The following COL6A2 variants were observed in gnomAD, a reference collection of about 807,000 sequenced individuals.
The protein encoded by COL6A2 is collagen alpha-2(VI) chain.
A neutral mutation model predicts 124.9 loss-of-function variants in COL6A2; 90 were observed. That is an observed-to-expected ratio of 0.72 (90% CI 0.61 to 0.86). The LOEUF is 0.86. COL6A2 is among the 40% of genes least tolerant of loss of function. The probability of loss-of-function intolerance (pLI) is 0.00; values close to 1 mark genes in which losing one functional copy is unlikely to be tolerated. For synonymous variants in COL6A2, 793 were observed against 618.2 expected (o/e 1.28, Z -4.19); for missense variants, 1,607 against 1,502.5 (o/e 1.07, Z -1.15).
In COL6A2 at chr21:46,122,939, T is replaced by C. The variant is rs113676748; in HGVS notation, c.1671+2T>C. The C allele has an allele frequency of 6.2e-7, 1 of 1,613,066 alleles. No individual in the cohort carries two copies. The highest frequency in any genetic ancestry group is 8.5e-7 in the Non-Finnish European group (1 of 1,179,868). ...AGGAAAGGAGAGAAAGGAGAGCCTG[T>C]GAGTGTCACCGTCCCGAAGCCCACA... On this transcript the variant is annotated splice_donor_variant, in intron 21 of 27. Transcript: ENST00000300527. LOFTEE classifies it high-confidence loss of function.
At chr21:46,126,633 G>T in intron 27 of COL6A2, 92 bp downstream of exon 27, 5 of 1,517,302 alleles carry the variant, frequency 3.3e-6, no homozygotes, top group Non-Finnish European at 4.5e-6. Context: ...GAGGGGCCGT[G>T]CAGGGACCCG....
At chr21:46,123,301 T>C in intron 21 of COL6A2, among the ~76,000 whole-genome samples, 1 of 104,516 alleles carries the variant, frequency 9.6e-6, no homozygotes, top group African/African-American at 3.4e-5. Context: ...CCCTCCAGAG[T>C]CCCCTCCCCC....
At chr21:46,120,613 G>C (rs201514791) in intron 16 of COL6A2, 36 bp downstream of exon 16, 2 of 1,441,752 alleles carry the variant, frequency 1.4e-6, no homozygotes, top group Admixed American at 5.9e-5. Context: ...CCAAGGTAGG[G>C]GATCTGAGGG....
At chr21:46,104,955 GAAATTAACAC>G (rs2078321658) in intron 1 of COL6A2, among the ~76,000 whole-genome samples, 1 of 152,220 alleles carries the variant, frequency 6.6e-6, no homozygotes, top group South Asian at 2.1e-4. Context: ...AAGTAAGGGA[GAAATTAACAC>G]ATTCTTAGAT....
chr21:46,104,954 A>G (rs898024755), intron 1 of COL6A2, among the ~76,000 whole-genome samples: 1 of 152,230 alleles, frequency 6.6e-6, no homozygotes. Context: ...AAAGTAAGGG[A>G]GAAATTAACA....
intron 13 of COL6A2, 68 bp downstream of exon 13, chr21:46,118,744 G>C: frequency 6.6e-7 from 1 of 1,519,458 alleles, no homozygotes; most frequent in South Asian, 1.2e-5. Context: ...CAGATGAACA[G>C]TCACGCTGGC....
In COL6A2 at chr21:46,132,285, C is replaced by T; in HGVS notation, c.2793C>T (p.Ser931=). 2 of 1,606,748 alleles carry T rather than the reference C, an allele frequency of 1.2e-6. No homozygotes were observed. The highest frequency in any genetic ancestry group is 1.1e-5 in the South Asian group (1 of 90,778). ...ACGCCATCAATGCCATCGTGCGCAG[C>T]CCGCGTGGCGGGGCCCGGAGGCACG... ...VVHAINAIVR[S]PRGGARRHAE... Residue 931 remains serine (S), a synonymous_variant, in exon 28 of 28, where the codon AGC becomes AGT. Transcript: ENST00000300527.
intron 27 of COL6A2, among the ~76,000 whole-genome samples, chr21:46,127,227 C>G (rs1406705389): frequency 1.3e-5 from 2 of 152,118 alleles, no homozygotes; most frequent in African/African-American, 4.8e-5. Flanking sequence ...GGTAGGGATG[C>G]CATGGAGACA....
At chr21:46,117,990 CT>C in intron 12 of COL6A2, 54 bp downstream of exon 12, 3 of 1,542,814 alleles carry the variant, frequency 1.9e-6, no homozygotes, top group South Asian at 1.2e-5. Context: ...TTCCAGGGGC[CT>C]CCTGGAGGCA....
chr21:46,121,734 C>A, intron 18 of COL6A2, 116 bp downstream of exon 18: 2 of 977,908 alleles, frequency 2.0e-6, no homozygotes, highest in Non-Finnish European at 1.6e-6. Flanking sequence ...CAGGACGGGC[C>A]TGTGCCTCCT....
At position 46,120,033 on chromosome 21, in the gene COL6A2, G is replaced by A. The variant is rs1016579585; in HGVS notation, c.1332+183G>A. On this transcript the variant is annotated intron_variant, in intron 15 of 27. Coordinates refer to ENST00000300527, the MANE Select transcript of COL6A2 (RefSeq NM_001849.4). ...ATCCCCACACCCCATTCTCTGCTGA[G>A]GAAGCTCCACTACCCACCCAGGCAC... 3.5e-4 allele frequency among the ~76,000 whole-genome samples: 53 copies of A among 149,856 alleles called. 1 individual carries two copies. The highest frequency in any genetic ancestry group is 1.2e-4 in the Non-Finnish European group (8 of 66,872).
intron 27 of COL6A2, among the ~76,000 whole-genome samples, chr21:46,127,883 G>A (rs73161615): frequency 0.057 from 8,725 of 152,254 alleles, 323 homozygotes; most frequent in Middle Eastern, 0.11. Flanking sequence ...TAGTTAGCCC[G>A]TTGAGCGTCA....
At chr21:46,131,830 C>T (rs1463852560) in intron 27 of COL6A2, 124 bp from the exon 28 acceptor site, 3 of 938,490 alleles carry the variant, frequency 3.2e-6, no homozygotes, top group East Asian at 2.6e-5. Flanking sequence ...AACGCCCCCG[C>T]AGAGCCCAGT....
chr21:46,129,301 A>G, intron 27 of COL6A2: 1 of 1,612,756 alleles, frequency 6.2e-7, no homozygotes, highest in Non-Finnish European at 8.5e-7. Flanking sequence ...CAGTTGCTAA[A>G]CGCCACGGAG....
chr21:46,124,852 C>T (rs1320837496), intron 22 of COL6A2, 33 bp from the exon 23 acceptor site: 27 of 1,612,556 alleles, frequency 1.7e-5, no homozygotes, highest in Non-Finnish European at 2.3e-5. Flanking sequence ...CAGCCTTGGC[C>T]CCAGAGTCTC....
intron 1 of COL6A2, among the ~76,000 whole-genome samples, chr21:46,107,069 A>T (rs958187481): frequency 2.0e-5 from 3 of 152,182 alleles, no homozygotes; most frequent in Non-Finnish European, 2.9e-5. Flanking sequence ...TTTCTCAAAA[A>T]TTTTTTTGAG....
At chr21:46,113,319 A>C (rs897372813) in intron 4 of COL6A2, among the ~76,000 whole-genome samples, 2 of 152,098 alleles carry the variant, frequency 1.3e-5, no homozygotes, top group African/African-American at 4.8e-5. Flanking sequence ...GCCGTGTACA[A>C]ATGGTGCCTC....
chr21:46,127,191 T>A (rs557311444), intron 27 of COL6A2, among the ~76,000 whole-genome samples: 4 of 152,032 alleles, frequency 2.6e-5, no homozygotes, highest in African/African-American at 9.7e-5. Flanking sequence ...TCCCCCTCAG[T>A]GAGCCGTCCC....
chr21:46,126,969 C>G (rs928260965), intron 27 of COL6A2, among the ~76,000 whole-genome samples: 4 of 151,958 alleles, frequency 2.6e-5, no homozygotes, highest in Non-Finnish European at 4.4e-5. Flanking sequence ...ACCAGCAGGT[C>G]TTGCTCCAAC....
Sources: gnomAD v4.1 joint callset for allele counts (sites outside exome capture counted in the v4.1 genomes callset) on GRCh38, gnomAD v4.1.1 for gene constraint, MANE v1.5 for transcripts, NCBI Gene and HGNC (gene_info 2026-07-23, HGNC 2026-07-21) for gene names.